Variants in NPAS3 observed in about 807,000 individuals in gnomAD.
The protein encoded by NPAS3 is neuronal PAS domain protein 3.
Under a neutral mutation model 73.1 loss-of-function variants are expected in NPAS3, and 14 were observed. That is an observed-to-expected ratio of 0.19 (90% CI 0.13 to 0.30). The LOEUF (loss-of-function observed/expected upper bound fraction) is 0.30. NPAS3 is among the 10% of genes least tolerant of loss of function. NPAS3 has a pLI of 1.00. For synonymous variants in NPAS3, 620 were observed against 541.5 expected, an observed-to-expected ratio of 1.14 and a Z score of -2.01; for missense variants, 1,096 against 1,250.0, an observed-to-expected ratio of 0.88 and a Z score of 1.86.
intron 1 of NPAS3, among the ~76,000 whole-genome samples, chr14:33,039,636 T>G (rs952570524): frequency 7.9e-5 from 12 of 152,270 alleles, no homozygotes; most frequent in African/African-American, 2.9e-4. Flanking sequence ...AGTCTGGGTC[T>G]GCCACAGCTC....
At position 33,696,075 on chromosome 14, in the gene NPAS3, G is replaced by A. The variant is rs113509384; in HGVS notation, c.733+19690G>A. Among the ~76,000 whole-genome samples the A allele has an allele frequency of 2.3e-3, 349 of 152,298 alleles. 4 individuals carry two copies. The highest frequency in any genetic ancestry group is 7.7e-3 in the African/African-American group (318 of 41,560). The stretch of plus-strand genomic sequence containing the variant: ...TTGATGTCATGATTAGAGTACCAAA[G>A]TTCCTTCTTAATAGCGGTAATAACT... On this transcript the variant is annotated intron_variant, in intron 6 of 11. Transcript: ENST00000356141.
intron 2 of NPAS3, among the ~76,000 whole-genome samples, chr14:33,196,664 C>T (rs2046366907): frequency 6.6e-6 from 1 of 152,216 alleles, no homozygotes; most frequent in African/African-American, 2.4e-5. Flanking sequence ...AATAAAGAGA[C>T]ATTATTTTCC....
intron 3 of NPAS3, among the ~76,000 whole-genome samples, chr14:33,265,373 TAAG>T (rs148079582): frequency 1.1e-4 from 17 of 152,346 alleles, no homozygotes; most frequent in African/African-American, 3.8e-4. Context: ...TAAAATTTTC[TAAG>T]GAGTCATATT....
At chr14:33,510,708 T>C (rs571854612) in intron 4 of NPAS3, among the ~76,000 whole-genome samples, 4 of 152,190 alleles carry the variant, frequency 2.6e-5, no homozygotes, top group African/African-American at 4.8e-5. Context: ...AATTCTTACA[T>C]TGACTTTTTA....
intron 5 of NPAS3, among the ~76,000 whole-genome samples, chr14:33,571,480 G>A (rs1423557267): frequency 6.6e-6 from 1 of 152,106 alleles, no homozygotes; most frequent in Non-Finnish European, 1.5e-5. Context: ...GAAATGATAC[G>A]GCTTTTAAAG....
chr14:33,141,916 C>G (rs1011494522), intron 2 of NPAS3, among the ~76,000 whole-genome samples: 1 of 152,112 alleles, frequency 6.6e-6, no homozygotes, highest in African/African-American at 2.4e-5. Context: ...TTTCGCCACA[C>G]CTTTGTCAAC....
At chr14:33,237,623 G>T (rs989685829) in intron 3 of NPAS3, among the ~76,000 whole-genome samples, 1 of 151,976 alleles carries the variant, frequency 6.6e-6, no homozygotes, top group African/African-American at 2.4e-5. Flanking sequence ...CTTCAGAGAG[G>T]CAACATGCTA....
intron 5 of NPAS3, among the ~76,000 whole-genome samples, chr14:33,632,406 A>G (rs899847523): frequency 3.3e-5 from 5 of 152,212 alleles, no homozygotes; most frequent in East Asian, 3.8e-4. Flanking sequence ...GACTTAAGAC[A>G]TTAGAAACAA....
intron 4 of NPAS3, among the ~76,000 whole-genome samples, chr14:33,513,350 A>T (rs2053150116): frequency 6.6e-6 from 1 of 152,074 alleles, no homozygotes; most frequent in African/African-American, 2.4e-5. Context: ...GAATTCTGTT[A>T]TAAGACTGTC....
chr14:33,289,961 C>G (rs1183680697), intron 3 of NPAS3, among the ~76,000 whole-genome samples: 1 of 152,128 alleles, frequency 6.6e-6, no homozygotes, highest in African/African-American at 2.4e-5. Context: ...CTTCAGTTTC[C>G]CCATGGATGT....
At chr14:33,377,504 T>A (rs914807782) in intron 4 of NPAS3, among the ~76,000 whole-genome samples, 2 of 152,250 alleles carry the variant, frequency 1.3e-5, no homozygotes, top group Non-Finnish European at 2.9e-5. Flanking sequence ...AAATCCATCA[T>A]CTGCCAGGCC....
At chr14:33,355,846 C>T (rs1192905890) in intron 3 of NPAS3, among the ~76,000 whole-genome samples, 1 of 152,130 alleles carries the variant, frequency 6.6e-6, no homozygotes, top group Non-Finnish European at 1.5e-5. Flanking sequence ...CCCTACTTTT[C>T]CCTTCCCCTT....
chr14:33,351,489 C>T, intron 3 of NPAS3, among the ~76,000 whole-genome samples: 1 of 152,182 alleles, frequency 6.6e-6, no homozygotes, highest in East Asian at 1.9e-4. Flanking sequence ...TTTAACCAAG[C>T]TTCCCAATGC....
At chr14:33,055,801 G>C (rs563190739) in intron 1 of NPAS3, 104 bp from the exon 2 acceptor site, 1 of 593,568 alleles carries the variant, frequency 1.7e-6, no homozygotes. Flanking sequence ...GCTCAAAAGC[G>C]TAAAAAGCAA....
At chr14:33,012,284 C>A (rs1448714808) in intron 1 of NPAS3, among the ~76,000 whole-genome samples, 2 of 152,072 alleles carry the variant, frequency 1.3e-5, no homozygotes, top group Non-Finnish European at 1.5e-5. Context: ...AGAATTGAGA[C>A]CCCTACTTGC....
intron 2 of NPAS3, among the ~76,000 whole-genome samples, chr14:33,073,771 G>T (rs79829353): frequency 6.6e-6 from 1 of 152,184 alleles, no homozygotes; most frequent in Non-Finnish European, 1.5e-5. Context: ...AAGTATTTGG[G>T]CCAAAGAATA....
chr14:33,170,054 G>A (rs1566634610), intron 2 of NPAS3, among the ~76,000 whole-genome samples: 1 of 151,982 alleles, frequency 6.6e-6, no homozygotes, highest in Non-Finnish European at 1.5e-5. Context: ...GGGCAGAGGG[G>A]GTGTACATTA....
chr14:33,123,804 T>C (rs2043322379), intron 2 of NPAS3, among the ~76,000 whole-genome samples: 1 of 151,784 alleles, frequency 6.6e-6, no homozygotes, highest in Non-Finnish European at 1.5e-5. Context: ...TTAGTGTCAA[T>C]GAGTTGAATT....
chr14:33,180,829 A>G (rs1239921070), intron 2 of NPAS3, among the ~76,000 whole-genome samples: 2 of 144,430 alleles, frequency 1.4e-5, no homozygotes, highest in Non-Finnish European at 3.0e-5. Context: ...AAAAAAAGAC[A>G]CGGTAGGGGT....
Sources: gnomAD v4.1 joint callset for allele counts (sites outside exome capture counted in the v4.1 genomes callset) on GRCh38, gnomAD v4.1.1 for gene constraint, MANE v1.5 for transcripts, NCBI Gene and HGNC (gene_info 2026-07-23, HGNC 2026-07-21) for gene names.